The following FLT3 variants were observed in gnomAD, a reference collection of about 807,000 sequenced individuals.
FLT3 encodes the protein fms related receptor tyrosine kinase 3, also known as receptor-type tyrosine-protein kinase FLT3.
In FLT3, 46 loss-of-function variants were observed where a neutral mutation model predicts 126.6. The observed-to-expected ratio is 0.36, with a 90% CI of 0.29 to 0.46. The LOEUF (loss-of-function observed/expected upper bound fraction) is 0.46. Ranked by LOEUF, FLT3 falls within the 20% of genes least tolerant of loss-of-function variation. The probability of loss-of-function intolerance (pLI) is 1.00; values close to 1 mark genes in which losing one functional copy is unlikely to be tolerated. For synonymous variants in FLT3, 404 were observed against 434.4 expected, an observed-to-expected ratio of 0.93 and a Z score of 0.87; for missense variants, 1,069 against 1,190.3, an observed-to-expected ratio of 0.90 and a Z score of 1.50.
rs1870606536 is a variant in FLT3 at position 28,003,337 on chromosome 13, A to T, written c.*715T>A. 1 of 233,174 alleles carries T rather than the reference A, an allele frequency of 4.3e-6. No homozygotes were observed. The highest frequency in any genetic ancestry group is 6.0e-5 in the East Asian group (1 of 16,594). The allele number at this position is 233,174 out of a possible 1,614,324, so 14.4% of individuals were successfully genotyped here. A position where few individuals can be genotyped will look rare whatever the true frequency, so the allele number is the denominator to read the frequency against. On this transcript the variant is annotated 3_prime_UTR_variant, in exon 24 of 24. Transcript: ENST00000241453. ...TCCATGTTACTTCTGACTGGCCCTG[A>T]GTCTGGGAAGGCCGCCAAAGTGTCT...
At chr13:28,010,985 G>C (rs1042089009) in intron 23 of FLT3, among the ~76,000 whole-genome samples, 4 of 140,428 alleles carry the variant, frequency 2.8e-5, no homozygotes, top group African/African-American at 1.1e-4. Flanking sequence ...CCTGGGTGAC[G>C]GAGTGAGACT....
intron 10 of FLT3, 24 bp downstream of exon 10, chr13:28,037,161 C>G: frequency 1.5e-6 from 2 of 1,342,218 alleles, no homozygotes; most frequent in Middle Eastern, 4.4e-4. Context: ...AAATAAAAAT[C>G]AAATTCTCGG....
chr13:28,025,030 G>C (rs1872692327), intron 17 of FLT3, 87 bp from the exon 18 acceptor site: 2 of 771,576 alleles, frequency 2.6e-6, no homozygotes, highest in Non-Finnish European at 4.5e-6. Flanking sequence ...CAAATAAATG[G>C]ATTCCAGTTA....
intron 3 of FLT3, among the ~76,000 whole-genome samples, chr13:28,058,428 C>T (rs1876231586): frequency 6.6e-6 from 1 of 152,026 alleles, no homozygotes; most frequent in Non-Finnish European, 1.5e-5. Flanking sequence ...AGGAGAATTG[C>T]TTGAACCCGG....
intron 19 of FLT3, among the ~76,000 whole-genome samples, chr13:28,022,397 A>C (rs1320091558): frequency 1.3e-5 from 2 of 152,122 alleles, no homozygotes; most frequent in Non-Finnish European, 2.9e-5. Flanking sequence ...CCGTGGTCCC[A>C]GCTACACGGA....
At chr13:28,011,139 GTC>G (rs1270190464) in intron 23 of FLT3, among the ~76,000 whole-genome samples, 1 of 150,750 alleles carries the variant, frequency 6.6e-6, no homozygotes, top group East Asian at 2.0e-4. Flanking sequence ...GTGAAACTCC[GTC>G]TCTGCTAAAA....
At chr13:28,051,171 C>T (rs570892616) in intron 5 of FLT3, among the ~76,000 whole-genome samples, 1 of 152,210 alleles carries the variant, frequency 6.6e-6, no homozygotes, top group Non-Finnish European at 1.5e-5. Flanking sequence ...TCATATTAGA[C>T]TGCTTTCCCA....
At chr13:28,029,282 C>T (rs1432054191) in intron 15 of FLT3, among the ~76,000 whole-genome samples, 1 of 152,130 alleles carries the variant, frequency 6.6e-6, no homozygotes. Flanking sequence ...ATTCCAGCTA[C>T]TCAGGAGGAT....
Position 28,035,953 on chromosome 13 carries a change from C to T in FLT3, c.1400G>A (p.Cys467Tyr). ...YPLPSWTWKK[C>Y]SDKSPNCTEE... ...TTATTACTTGGGAGACTTGTCTGAA[C>T]ACTTCTTCCAGGTCCAAGATGGTAA... The change falls in exon 11 of 24, where the codon TGT becomes TAT. Residue 467 changes from cysteine (C) to tyrosine (Y), a missense_variant. Coordinates refer to ENST00000241453, the MANE Select transcript of FLT3 (RefSeq NM_004119.3). The T allele has an allele frequency of 6.2e-7, 1 of 1,613,702 alleles. No individual in the cohort carries two copies. The highest frequency in any genetic ancestry group is 1.7e-5 in the Admixed American group (1 of 60,008).
chr13:28,080,200 A>AC (rs1472093735), intron 1 of FLT3, among the ~76,000 whole-genome samples: 1 of 152,076 alleles, frequency 6.6e-6, no homozygotes, highest in Non-Finnish European at 1.5e-5. Flanking sequence ...AAATGGTGAA[A>AC]CCCCGTCTCT....
intron 1 of FLT3, among the ~76,000 whole-genome samples, chr13:28,099,613 T>G (rs1421927694): frequency 6.6e-6 from 1 of 152,148 alleles, no homozygotes; most frequent in Non-Finnish European, 1.5e-5. Context: ...GTTGCAGACC[T>G]AGGACAGGGA....
intron 1 of FLT3, among the ~76,000 whole-genome samples, chr13:28,097,238 GA>G (rs1222071645): frequency 2.6e-5 from 4 of 150,994 alleles, no homozygotes; most frequent in East Asian, 1.9e-4. Flanking sequence ...AAGAAAGAAA[GA>G]AAGGAAGGAA....
At chr13:28,074,046 G>T (rs1024736040) in intron 1 of FLT3, among the ~76,000 whole-genome samples, 1 of 151,370 alleles carries the variant, frequency 6.6e-6, no homozygotes, top group East Asian at 1.9e-4. Flanking sequence ...TTGATATCAC[G>T]CCCTGCTACC....
chr13:28,008,008 T>G (rs1022821259), intron 23 of FLT3, among the ~76,000 whole-genome samples: 24 of 152,092 alleles, frequency 1.6e-4, no homozygotes, highest in African/African-American at 5.6e-4. Context: ...CTCTCCACCT[T>G]CTTCTTTATT....
intron 17 of FLT3, chr13:28,025,326 T>C (rs866590605): frequency 4.5e-5 from 19 of 424,632 alleles, no homozygotes; most frequent in African/African-American, 3.5e-4. Context: ...CCACTTTCCC[T>C]CACATAATAC....
chr13:28,057,393 C>G lies in FLT3; in HGVS notation c.438G>C (p.Gln146His), dbSNP rs1330437846. 1 of 1,583,024 alleles carries G rather than the reference C, an allele frequency of 6.3e-7. No individual in the cohort carries two copies. The highest frequency in any genetic ancestry group is 1.7e-5 in the Admixed American group (1 of 59,968). The change falls in exon 4 of 24, where the codon CAG becomes CAC. Residue 146 changes from glutamine (Q) to histidine (H), a missense_variant. Gln to His is a conservative substitution (Grantham distance 24, BLOSUM62 0). Transcript: ENST00000241453. ...TQAGEYLLFI[Q>H]SEATNYTILF... ...ATATTGTGTAATTGGTAGCTTCACT[C>G]TGAATAAAAAGTAGGTATTCTCCAG...
intron 2 of FLT3, among the ~76,000 whole-genome samples, chr13:28,066,169 C>G (rs1218226301): frequency 2.6e-5 from 4 of 152,076 alleles, no homozygotes; most frequent in African/African-American, 9.7e-5. Context: ...TACTTTGGAT[C>G]CCTTAAGGCT....
At chr13:28,035,322 G>A (rs1238060244) in intron 12 of FLT3, among the ~76,000 whole-genome samples, 173 bp downstream of exon 12, 5 of 152,156 alleles carry the variant, frequency 3.3e-5, no homozygotes, top group African/African-American at 1.2e-4. Context: ...GGAGGACTCC[G>A]CCCCAACCTG....
At chr13:28,023,802 CT>C (rs57182658) in intron 18 of FLT3, among the ~76,000 whole-genome samples, 3 of 149,734 alleles carry the variant, frequency 2.0e-5, no homozygotes, top group Non-Finnish European at 3.0e-5. Flanking sequence ...TTGTCTATCC[CT>C]TTTTTTTTTG....
Sources: gnomAD v4.1 joint callset for allele counts (sites outside exome capture counted in the v4.1 genomes callset) on GRCh38, gnomAD v4.1.1 for gene constraint, MANE v1.5 for transcripts, NCBI Gene and HGNC (gene_info 2026-07-23, HGNC 2026-07-21) for gene names.